Variants in PTOV1 observed in about 807,000 individuals in gnomAD.
PTOV1 encodes the protein prostate tumor-overexpressed gene 1 protein.
In PTOV1, 20 loss-of-function variants were observed where a neutral mutation model predicts 58.0. The ratio of observed to expected loss-of-function variants is 0.34; its 90% confidence interval spans 0.24 to 0.50. The LOEUF (loss-of-function observed/expected upper bound fraction) is 0.50. Among genes scored for constraint, PTOV1 ranks in the 20% least tolerant of loss-of-function variants. The probability of loss-of-function intolerance (pLI) is 0.98; values close to 1 mark genes in which losing one functional copy is unlikely to be tolerated. For synonymous variants in PTOV1, 335 were observed against 234.2 expected, an observed-to-expected ratio of 1.43 and a Z score of -3.93; for missense variants, 593 against 565.4, an observed-to-expected ratio of 1.05 and a Z score of -0.50.
At chr19:49,851,561 G>C in intron 1 of PTOV1, 62 bp downstream of exon 1, 1 of 1,061,778 alleles carries the variant, frequency 9.4e-7, no homozygotes, top group Non-Finnish European at 1.2e-6. Flanking sequence ...CCCTATCCCG[G>C]GCTCACGCCT....
intron 6 of PTOV1, 63 bp downstream of exon 6, chr19:49,857,193 G>C: frequency 6.3e-7 from 1 of 1,592,202 alleles, no homozygotes; most frequent in Non-Finnish European, 8.6e-7. Flanking sequence ...TGCCCTGGTT[G>C]GGCAGCCAGA....
chr19:49,851,086 G>C, upstream of PTOV1: 2 of 1,447,332 alleles, frequency 1.4e-6, no homozygotes, highest in African/African-American at 1.5e-5. Flanking sequence ...CCGCTCCCCC[G>C]CGCCGCCTTG....
At chr19:49,852,033 G>A (rs1001800924) in intron 1 of PTOV1, 10 of 985,380 alleles carry the variant, frequency 1.0e-5, no homozygotes, top group Non-Finnish European at 1.2e-5. Context: ...ACTGCCGTGA[G>A]CCCAGACCTT....
rs750779261 is a variant in PTOV1 at position 49,854,577 on chromosome 19, GGTCTT to G, written c.309+43_309+47del. 2.1e-5 allele frequency: 34 copies of G among 1,612,454 alleles called. No homozygotes were observed. The South Asian group carries it at 2.9e-4, about 14-fold the overall frequency. ...CTGTGGGGCTGCGGCTGGCCTCCAG[GGTCTT>G]GTCTTGTCCCTGCGGGGACAGGCCA... On this transcript the variant is annotated intron_variant, in intron 2 of 11. Coordinates refer to ENST00000391842, the Ensembl canonical transcript of PTOV1.
At position 49,851,543 on chromosome 19, in the gene PTOV1, C is replaced by T. The variant is rs1025853649; in HGVS notation, c.171+44C>T. 17 of 1,091,234 alleles carry T rather than the reference C, an allele frequency of 1.6e-5. 1 individual carries two copies. The African/African-American group carries it at 2.0e-4, about 13-fold the overall frequency. 67.6% of individuals were successfully genotyped at this position (1,091,234 alleles called of 1,614,324 possible). On this transcript the variant is annotated intron_variant, in intron 1 of 11. Transcript: ENST00000391842. ...TTCCAGAGCCTTCCACGGCCCCGCC[C>T]CCCCAGCCCCTATCCCGGGCTCACG... is the stretch of plus-strand genomic sequence containing the variant.
Position 49,854,908 on chromosome 19 carries a change from C to G in PTOV1, c.450+20C>G. ...CTGCTGGTGAGACCCGCCCCTCCCA[C>G]CCCATCCACTCTGAGCACCCCCATG... is the stretch of plus-strand genomic sequence containing the variant. On this transcript the variant is annotated intron_variant, in intron 4 of 11. Coordinates refer to ENST00000391842, the Ensembl canonical transcript of PTOV1. The G allele has an allele frequency of 6.2e-7, 1 of 1,607,700 alleles. No homozygotes were observed. The highest frequency in any genetic ancestry group is 8.5e-7 in the Non-Finnish European group (1 of 1,177,276).
At position 49,855,093 on chromosome 19, in the gene PTOV1, T is replaced by G; in HGVS notation, c.558+16T>G. On this transcript the variant is annotated intron_variant, in intron 5 of 11. Coordinates refer to ENST00000391842, the Ensembl canonical transcript of PTOV1. ...CAACGGCTTCGTGAGTGGGGCGGGCTCCCTTGTAGCACTGTGGTGACAAGT... is the reference window on the plus strand; with the variant it reads ...CAACGGCTTCGTGAGTGGGGCGGGCGCCCTTGTAGCACTGTGGTGACAAGT... The G allele has an allele frequency of 6.4e-7, 1 of 1,565,524 alleles. No individual in the cohort carries two copies. Among genetic ancestry groups the G allele is most frequent in the Non-Finnish European group, 8.7e-7 (1 of 1,151,410 alleles).
chr19:49,857,683 C>T lies in PTOV1; in HGVS notation c.715-10C>T, dbSNP rs757744453. On this transcript the variant is annotated splice_polypyrimidine_tract_variant and intron_variant, in intron 6 of 11. Coordinates refer to ENST00000391842, the Ensembl canonical transcript of PTOV1. ...TGGGCCCCTCTTCCCACCCCGTTCC[C>T]TTCCAACAGGCAGTGGGACCTGGTG... 3.1e-6 allele frequency: 5 copies of T among 1,613,334 alleles called. No individual in the cohort carries two copies. The highest frequency in any genetic ancestry group is 4.5e-5 in the East Asian group (2 of 44,880).
rs374564420 is a variant in PTOV1, at chr19:49,854,747, G to T, written c.392+13G>T. The T allele has an allele frequency of 2.5e-6, 4 of 1,613,252 alleles. No individual in the cohort carries two copies. The highest frequency in any genetic ancestry group is 3.3e-5 in the Admixed American group (2 of 59,998). On this transcript the variant is annotated intron_variant, in intron 3 of 11. Transcript: ENST00000391842. Reference sequence around the variant, plus strand: ...AAGGCGAGAACCTGTGAGTGCCGGGGCGTGGCAGCCAGGGCGGTGGCAGGG... The same window carrying T: ...AAGGCGAGAACCTGTGAGTGCCGGGTCGTGGCAGCCAGGGCGGTGGCAGGG...
chr19:49,851,669 C>G, intron 1 of PTOV1, 170 bp downstream of exon 1: 1 of 1,145,604 alleles, frequency 8.7e-7, no homozygotes. Flanking sequence ...GTGGTTCGCG[C>G]CGCGCTCTCC....
At chr19:49,850,757 A>G, upstream of PTOV1, 1 of 1,239,090 alleles carries the variant, frequency 8.1e-7, no homozygotes, top group Non-Finnish European at 1.1e-6. Flanking sequence ...CTCGGGTGCA[A>G]TCCGTACCCT....
chr19:49,860,534 C>T lies in PTOV1; in HGVS notation c.*255C>T, dbSNP rs559722267. On this transcript the variant is annotated 3_prime_UTR_variant, in exon 12 of 12. Transcript: ENST00000391842. ...AGGTGGTATCCAGGCCTGGGTGGGG[C>T]CAGGCCTCTGCTCACAGGGATGTGG... 1.8e-5 allele frequency: 11 copies of T among 609,878 alleles called. No individual in the cohort carries two copies. In the Admixed American group the frequency reaches 2.1e-4, roughly 12 times the overall value. The allele number at this position is 609,878 out of a possible 1,614,324, so 37.8% of individuals were successfully genotyped here.
At position 49,854,894 on chromosome 19, in the gene PTOV1, A is replaced by ACCCCCCCCCCCCCCCCCCCCCCCCC; in HGVS notation, c.450+9_450+10insCCCCCCCCCCCCCCCCCCCCCCCCC. ...TGATCCCTCAGCAGCTGCTGGTGAG[A>ACCCCCCCCCCCCCCCCCCCCCCCCC]CCCGCCCCTCCCACCCCATCCACTC... On this transcript the variant is annotated splice_region_variant and intron_variant, in intron 4 of 11. Coordinates refer to ENST00000391842, the Ensembl canonical transcript of PTOV1. 2 of 1,559,998 alleles carry ACCCCCCCCCCCCCCCCCCCCCCCCC rather than the reference A, an allele frequency of 1.3e-6. No individual in the cohort carries two copies.
chr19:49,855,430 G>C lies in PTOV1; in HGVS notation c.558+353G>C, dbSNP rs1375380757. 1.6e-5 allele frequency: 5 copies of C among 321,274 alleles called. No homozygotes were observed. In the East Asian group the frequency reaches 2.8e-4, roughly 18 times the overall value. 19.9% of individuals were successfully genotyped at this position (321,274 alleles called of 1,614,324 possible). A position where few individuals can be genotyped will look rare whatever the true frequency, so the allele number is the denominator to read the frequency against. On this transcript the variant is annotated intron_variant, in intron 5 of 11. Transcript: ENST00000391842. ...TGGTAAATGGGTGTGCTAGGCACAA[G>C]AGCCAGCCAGGAGGGAGTGGCACGT...
chr19:49,858,821 C>T (rs1004721149), intron 10 of PTOV1, 168 bp downstream of exon 10: 22 of 613,056 alleles, frequency 3.6e-5, no homozygotes, highest in South Asian at 2.8e-4. Flanking sequence ...GCTGTCCCCA[C>T]GGCACTGGAT....
rs2074402561 is a variant in PTOV1 at position 49,855,032 on chromosome 19, C to G, written c.513C>G (p.Asp171Glu). 6.2e-7 allele frequency: 1 copy of G among 1,600,384 alleles called. No homozygotes were observed. The highest frequency in any genetic ancestry group is 2.3e-5 in the East Asian group (1 of 44,106). The change falls in exon 5 of 12, where the codon GAC (aspartate) becomes GAG (glutamate). Residue 171 changes from aspartate to glutamate, a missense_variant. Physicochemically the swap from Asp to Glu is conservative, Grantham distance 45. Transcript: ENST00000391842. ...CACAGTTCCACTTCACCAACAGAGA[C>G]TGCGACTCGCTCAAGGGGCTCTGCC... is the stretch of plus-strand genomic sequence containing the variant.
intron 9 of PTOV1, 97 bp from the exon 10 acceptor site, chr19:49,858,452 C>T: frequency 1.1e-6 from 1 of 952,322 alleles, no homozygotes; most frequent in Non-Finnish European, 1.6e-6. Context: ...ACAGGGGAGT[C>T]TCAGTTTGGT....
exon 7 of PTOV1, chr19:49,857,715 A>G (rs1445482854): frequency 1.2e-6 from 2 of 1,613,964 alleles, no homozygotes; most frequent in Non-Finnish European, 1.7e-6. Context: ...GGTGGTGTCA[A>G]CTCAGGCCCA....
intron 1 of PTOV1, chr19:49,851,719 A>G (rs2074256913): frequency 3.0e-6 from 3 of 990,470 alleles, no homozygotes; most frequent in Non-Finnish European, 2.5e-6. Flanking sequence ...GGGTTGGGGG[A>G]CGGGGGCGGG....
Sources: gnomAD v4.1 joint callset for allele counts on GRCh38, gnomAD v4.1.1 for gene constraint, MANE v1.5 for transcripts, NCBI Gene and HGNC (gene_info 2026-07-23, HGNC 2026-07-21) for gene names.